AGPAT3: variants seen among roughly 807,000 people sequenced by gnomAD.
The protein encoded by AGPAT3 is 1-acylglycerol-3-phosphate O-acyltransferase 3.
In AGPAT3, 5 loss-of-function variants were observed where a neutral mutation model predicts 47.3. The observed-to-expected ratio is 0.11, with a 90% CI of 0.06 to 0.22. AGPAT3 has a LOEUF of 0.22. AGPAT3 is among the 10% of genes least tolerant of loss of function. The pLI is 1.00. For missense variants in AGPAT3, 315 were observed against 493.0 expected (o/e 0.64, Z 3.42); for synonymous variants, 212 against 208.3 (o/e 1.02, Z -0.15).
chr21:43,873,073 C>G (rs561601822), intron 1 of AGPAT3, among the ~76,000 whole-genome samples: 1 of 152,174 alleles, frequency 6.6e-6, no homozygotes, highest in African/African-American at 2.4e-5. Flanking sequence ...CTGGTGCCAG[C>G]GTGGCTGCTT....
Position 43,933,151 on chromosome 21 carries a change from T to C in AGPAT3, c.-48-26483T>C, listed in dbSNP as rs550956660. Among the ~76,000 whole-genome samples the C allele has an allele frequency of 1.3e-5, 2 of 152,344 alleles. No homozygotes were observed. Among genetic ancestry groups the C allele is most frequent in the South Asian group, 4.1e-4 (2 of 4,824 alleles). On this transcript the variant is annotated intron_variant, in intron 2 of 9. Transcript: ENST00000291572. The surrounding 1 kb of genome is among the most constrained non-coding windows in gnomAD (Gnocchi z 6.0). ...CCTGTGGCTTCGATTTGCTTCTCCC[T>C]GATGGTTAATAATGCCGAACAGCTC...
At chr21:43,871,333 G>A (rs1335639388) in intron 1 of AGPAT3, among the ~76,000 whole-genome samples, 2 of 152,196 alleles carry the variant, frequency 1.3e-5, no homozygotes, top group African/African-American at 2.4e-5. Flanking sequence ...GGAGAAGATG[G>A]TACTAAGAGA....
intron 1 of AGPAT3, among the ~76,000 whole-genome samples, chr21:43,887,485 G>A (rs568987448): frequency 5.3e-4 from 81 of 152,218 alleles, no homozygotes; most frequent in African/African-American, 1.9e-3. Flanking sequence ...GATGAAGAAG[G>A]CCTTACTCTT....
intron 2 of AGPAT3, among the ~76,000 whole-genome samples, chr21:43,943,032 G>T (rs1160289647): frequency 6.6e-6 from 1 of 152,194 alleles, no homozygotes; most frequent in Non-Finnish European, 1.5e-5. Context: ...GGGCTGGGTG[G>T]CCAGGGTGCA....
chr21:43,973,487 G>T (rs900254181), intron 7 of AGPAT3, among the ~76,000 whole-genome samples: 1 of 152,224 alleles, frequency 6.6e-6, no homozygotes. Context: ...AGCTGTCCAA[G>T]GTCAGCACTG....
intron 1 of AGPAT3, among the ~76,000 whole-genome samples, chr21:43,893,009 T>C (rs1272416153): frequency 5.3e-5 from 8 of 152,142 alleles, no homozygotes; most frequent in Admixed American, 5.2e-4. Flanking sequence ...TTGGGAGGAT[T>C]GCTTGAGCCC....
chr21:43,870,610 T>C (rs1261290308), intron 1 of AGPAT3, among the ~76,000 whole-genome samples: 1 of 151,624 alleles, frequency 6.6e-6, no homozygotes, highest in East Asian at 1.9e-4. Flanking sequence ...AGGTCCCAGC[T>C]ACTCGGGACA....
chr21:43,907,871 T>C (rs1468963868), intron 2 of AGPAT3, among the ~76,000 whole-genome samples: 1 of 152,158 alleles, frequency 6.6e-6, no homozygotes, highest in Non-Finnish European at 1.5e-5. Flanking sequence ...AGCAGACCGA[T>C]ACCATGTTAA....
intron 6 of AGPAT3, 101 bp from the exon 7 acceptor site, chr21:43,971,287 C>A: frequency 9.9e-7 from 1 of 1,013,658 alleles, no homozygotes; most frequent in African/African-American, 1.6e-5. Context: ...CGCGTTCTCC[C>A]CAGGACGGGG....
chr21:43,971,595 C>T, intron 7 of AGPAT3, 105 bp downstream of exon 7: 9 of 1,034,124 alleles, frequency 8.7e-6, no homozygotes, highest in Non-Finnish European at 1.3e-5. Flanking sequence ...CGTCCCACAG[C>T]CCCGCAGGGT....
chr21:43,915,352 C>T (rs142562979), intron 2 of AGPAT3, among the ~76,000 whole-genome samples: 12 of 150,978 alleles, frequency 7.9e-5, no homozygotes, highest in Non-Finnish European at 1.6e-4. Context: ...GCGCCTGCCC[C>T]CCAGCCCTGT....
At chr21:43,949,492 G>A (rs905126166) in intron 2 of AGPAT3, among the ~76,000 whole-genome samples, 2 of 152,188 alleles carry the variant, frequency 1.3e-5, no homozygotes, top group Admixed American at 6.5e-5. Flanking sequence ...TAAGGGAGTG[G>A]CAACGCTCTA....
intron 5 of AGPAT3, among the ~76,000 whole-genome samples, 158 bp downstream of exon 5, chr21:43,969,437 A>G (rs945576705): frequency 2.6e-5 from 4 of 152,174 alleles, no homozygotes; most frequent in Non-Finnish European, 4.4e-5. Flanking sequence ...TCTGAGCTGC[A>G]GGCGTGGAGG....
intron 3 of AGPAT3, chr21:43,966,539 C>T (rs2146716266): frequency 6.6e-6 from 1 of 152,296 alleles, no homozygotes; most frequent in East Asian, 1.9e-4. Context: ...TTCCCTCTCT[C>T]CTTTCTGCGT....
At chr21:43,944,016 A>G (rs8134506) in intron 2 of AGPAT3, among the ~76,000 whole-genome samples, 69,578 of 151,686 alleles carry the variant, frequency 0.46, 16,122 homozygotes, top group East Asian at 0.6. Flanking sequence ...GGGTCCCGGC[A>G]GAGCTGGGTG....
chr21:43,879,329 C>G (rs1055844084), intron 1 of AGPAT3, among the ~76,000 whole-genome samples: 5 of 109,304 alleles, frequency 4.6e-5, no homozygotes, highest in African/African-American at 1.8e-4. Context: ...CAGCCTACAA[C>G]AGAGTGAGAC....
chr21:43,945,140 G>T (rs141735430), intron 2 of AGPAT3, among the ~76,000 whole-genome samples: 1 of 152,330 alleles, frequency 6.6e-6, no homozygotes, highest in Middle Eastern at 3.4e-3. Flanking sequence ...TGCAGGTGGC[G>T]GTTTGCATAT....
At chr21:43,865,713 G>A (rs1229342218) in intron 1 of AGPAT3, among the ~76,000 whole-genome samples, 1 of 151,538 alleles carries the variant, frequency 6.6e-6, no homozygotes, top group Non-Finnish European at 1.5e-5. Flanking sequence ...GCCGAGGGAG[G>A]GCGAGTGGGT....
chr21:43,943,320 T>C (rs1042646330), intron 2 of AGPAT3, among the ~76,000 whole-genome samples: 2 of 152,170 alleles, frequency 1.3e-5, no homozygotes, highest in Admixed American at 6.5e-5. Context: ...GTGATCCACC[T>C]GCCTCGGCCT....
Sources: gnomAD v4.1 joint callset for allele counts (sites outside exome capture counted in the v4.1 genomes callset) on GRCh38, gnomAD v4.1.1 for gene constraint, Gnocchi (gnomAD v3.1) non-coding constraint, MANE v1.5 for transcripts, NCBI Gene and HGNC (gene_info 2026-07-23, HGNC 2026-07-21) for gene names.